The following DDRGK1 variants were observed in gnomAD, a reference collection of about 807,000 sequenced individuals.
DDRGK1 encodes the protein DDRGK domain-containing protein 1.
DDRGK1 carries 38 observed loss-of-function variants against 45.8 expected under a neutral mutation model. The observed-to-expected ratio is 0.83, with a 90% CI of 0.64 to 1.09. DDRGK1 has a LOEUF of 1.09. DDRGK1 is among the 50% of genes least tolerant of loss of function. The pLI, the probability that DDRGK1 is intolerant of heterozygous loss-of-function variation, is 0.00. For synonymous variants in DDRGK1, 171 were observed against 168.7 expected (o/e 1.01, Z -0.11); for missense variants, 403 against 419.9 (o/e 0.96, Z 0.35).
chr20:3,195,880 T>G (rs2067007965), intron 4 of DDRGK1, among the ~76,000 whole-genome samples: 1 of 152,108 alleles, frequency 6.6e-6, no homozygotes, highest in Non-Finnish European at 1.5e-5. Flanking sequence ...TCAGGTCTCA[T>G]ATGTCTGTCC....
Position 3,200,443 on chromosome 20 carries a change from C to T in DDRGK1, c.307G>A (p.Glu103Lys). 6.4e-7 allele frequency: 1 copy of T among 1,573,864 alleles called. No individual in the cohort carries two copies. Among genetic ancestry groups the T allele is most frequent in the African/African-American group, 1.3e-5 (1 of 74,146 alleles). Residue 103 changes from glutamate to lysine, a missense_variant, in exon 3 of 9, where the codon GAA (glutamate) becomes AAA (lysine). Glu to Lys is a moderately conservative substitution (Grantham distance 56). Transcript: ENST00000354488. ...GTTTCCGCTGGCTTCTCGACACCTT[C>T]CTCCTCCTGGGCTGGGTATGGTCAA... is the stretch of plus-strand genomic sequence containing the variant. ...EEAVILAQEE[E>K]GVEKPAETHL...
rs1555770446 is a variant in DDRGK1 at position 3,191,828 on chromosome 20, A to T, written c.673-7T>A. ...AGAGCACAACCTTGGACTGCTACAA[A>T]AAGAAGGAGGAAAAGAAAGAGAGGC... On this transcript the variant is annotated splice_region_variant and splice_polypyrimidine_tract_variant and intron_variant, in intron 6 of 8. Transcript: ENST00000354488. 2 of 1,606,184 alleles carry T rather than the reference A, an allele frequency of 1.2e-6. No homozygotes were observed. The highest frequency in any genetic ancestry group is 3.4e-5 in the Admixed American group (2 of 58,994).
chr20:3,200,034 C>T lies in DDRGK1; in HGVS notation c.477G>A (p.Glu159=). Residue 159 remains glutamate, a synonymous_variant, in exon 4 of 9, where the codon GAG becomes GAA. Transcript: ENST00000354488. ...ESQREAEWKK[E]EERLRLEEEQ... The stretch of plus-strand genomic sequence containing the variant: ...CCTCCTCCAGGCGAAGCCGCTCCTC[C>T]TCCTTCTTCCACTCAGCTTCGCGCT... The T allele has an allele frequency of 6.2e-7, 1 of 1,613,866 alleles. No homozygotes were observed. Among genetic ancestry groups the T allele is most frequent in the Non-Finnish European group, 8.5e-7 (1 of 1,179,984 alleles).
At chr20:3,198,976 T>C in intron 4 of DDRGK1, among the ~76,000 whole-genome samples, 1 of 35,280 alleles carries the variant, frequency 2.8e-5, no homozygotes, top group Admixed American at 1.9e-4. Context: ...ACCCAATCTC[T>C]ACCAAAAAAA....
chr20:3,191,278 A>C (rs760251165), intron 7 of DDRGK1, 40 bp from the exon 8 acceptor site: 2 of 1,608,412 alleles, frequency 1.2e-6, no homozygotes, highest in Non-Finnish European at 1.7e-6. Context: ...ATAGGCACCA[A>C]TGTCCCCAGA....
chr20:3,200,134 T>C (rs758454184), intron 3 of DDRGK1, 32 bp from the exon 4 acceptor site: 1 of 1,571,820 alleles, frequency 6.4e-7, no homozygotes, highest in Non-Finnish European at 8.7e-7. Context: ...GGCACATCCC[T>C]CACCCCCGGC....
At chr20:3,196,863 A>G (rs1356949378) in intron 4 of DDRGK1, among the ~76,000 whole-genome samples, 10 of 3,924 alleles carry the variant, frequency 2.5e-3, no homozygotes, top group Non-Finnish European at 4.3e-3. Context: ...CAACAACGTA[A>G]TAAATAACGT....
At chr20:3,200,484 G>C in intron 2 of DDRGK1, 30 bp from the exon 3 acceptor site, 1 of 1,546,660 alleles carries the variant, frequency 6.5e-7, no homozygotes, top group Non-Finnish European at 8.8e-7. Context: ...GACAGTTCAG[G>C]TTCTGACCAG....
intron 6 of DDRGK1, among the ~76,000 whole-genome samples, chr20:3,192,896 G>A (rs1600471009): frequency 6.6e-6 from 1 of 152,174 alleles, no homozygotes; most frequent in African/African-American, 2.4e-5. Flanking sequence ...GCAAGCGAGA[G>A]GCAGCTGGGT....
At chr20:3,191,957 C>G in intron 6 of DDRGK1, 136 bp from the exon 7 acceptor site, 2 of 703,928 alleles carry the variant, frequency 2.8e-6, no homozygotes, top group Non-Finnish European at 4.7e-6. Context: ...TCCTGTAGGA[C>G]AGCCTTGCTC....
chr20:3,198,795 T>A (rs1441724163), intron 4 of DDRGK1, among the ~76,000 whole-genome samples: 1 of 134,144 alleles, frequency 7.5e-6, no homozygotes, highest in Non-Finnish European at 1.6e-5. Context: ...TAACATGGCA[T>A]CCTAGATGGG....
At chr20:3,201,562 C>T (rs965919820) in intron 2 of DDRGK1, among the ~76,000 whole-genome samples, 4 of 151,558 alleles carry the variant, frequency 2.6e-5, no homozygotes, top group Non-Finnish European at 4.4e-5. Context: ...GCAAGTGTCT[C>T]GGGGTCACAG....
chr20:3,194,309 T>C (rs1350568847), intron 6 of DDRGK1, among the ~76,000 whole-genome samples: 1 of 152,312 alleles, frequency 6.6e-6, no homozygotes. Flanking sequence ...CAAAGCAAAG[T>C]AGGATGTGCT....
At chr20:3,197,287 T>A (rs2067015392) in intron 4 of DDRGK1, among the ~76,000 whole-genome samples, 1 of 147,684 alleles carries the variant, frequency 6.8e-6, no homozygotes, top group Admixed American at 6.7e-5. Flanking sequence ...GAGAGACATA[T>A]CTCCTGTAAG....
At chr20:3,194,694 G>C (rs1034536073) in intron 6 of DDRGK1, 136 bp downstream of exon 6, 26 of 1,153,312 alleles carry the variant, frequency 2.3e-5, no homozygotes, top group Non-Finnish European at 2.9e-5. Flanking sequence ...AGGACCCTGC[G>C]GCTCTGCCCC....
At chr20:3,197,219 T>C (rs2067014967) in intron 4 of DDRGK1, among the ~76,000 whole-genome samples, 1 of 86,432 alleles carries the variant, frequency 1.2e-5, no homozygotes. Flanking sequence ...TGAGACTCCA[T>C]CTCAGAAAAA....
intron 2 of DDRGK1, 40 bp from the exon 3 acceptor site, chr20:3,200,494 G>C: frequency 6.5e-7 from 1 of 1,531,728 alleles, no homozygotes; most frequent in Non-Finnish European, 8.9e-7. Context: ...GTTCTGACCA[G>C]AGAGGACTGA....
At chr20:3,204,442 T>C (rs910533472) in intron 1 of DDRGK1, 95 bp downstream of exon 1, 19 of 1,311,216 alleles carry the variant, frequency 1.4e-5, no homozygotes, top group Non-Finnish European at 2.0e-5. Flanking sequence ...CCCGCCCAGG[T>C]GCGCACGCGC....
At chr20:3,199,963 G>C (rs1416498076) in intron 4 of DDRGK1, 38 bp downstream of exon 4, 2 of 1,553,852 alleles carry the variant, frequency 1.3e-6, no homozygotes, top group Non-Finnish European at 8.7e-7. Context: ...TGCCTTGCCT[G>C]GTCAAGGGTC....
Sources: gnomAD v4.1 joint callset for allele counts (sites outside exome capture counted in the v4.1 genomes callset) on GRCh38, gnomAD v4.1.1 for gene constraint, MANE v1.5 for transcripts, NCBI Gene and HGNC (gene_info 2026-07-23, HGNC 2026-07-21) for gene names.